The following RBFOX1 variants were observed in gnomAD, a reference collection of about 807,000 sequenced individuals.
The protein encoded by RBFOX1 is RNA binding protein fox-1 homolog 1.
In RBFOX1, 8 loss-of-function variants were observed where a neutral mutation model predicts 57.7. The observed-to-expected ratio is 0.14, with a 90% CI of 0.08 to 0.25. RBFOX1 has a LOEUF of 0.25. RBFOX1 is among the 10% of genes least tolerant of loss of function. The pLI is 1.00. For missense variants in RBFOX1, 611 were observed against 548.5 expected (o/e 1.11, Z -1.14); for synonymous variants, 326 against 222.4 (o/e 1.47, Z -4.15).
chr16:6,764,139 A>T (rs2077003698), intron 3 of RBFOX1, among the ~76,000 whole-genome samples: 1 of 152,196 alleles, frequency 6.6e-6, no homozygotes, highest in Non-Finnish European at 1.5e-5. Flanking sequence ...GGAGAGGGAA[A>T]GATGGGCATT....
rs945022223 is a variant in RBFOX1, at chr16:7,101,505, G to A, written c.27+49407G>A. ...AGAAACTGAGATTCAGAAAGAGACC[G>A]GCTGTACCAAAGTGTATCCAACCAA... On this transcript the variant is annotated intron_variant, in intron 4 of 15. Transcript: ENST00000550418. 2.6e-5 allele frequency among the ~76,000 whole-genome samples: 4 copies of A among 152,062 alleles called. No homozygotes were observed. The East Asian group carries it at 5.8e-4, about 22-fold the overall frequency.
intron 2 of RBFOX1, among the ~76,000 whole-genome samples, chr16:6,522,617 A>C (rs763254390): frequency 6.6e-5 from 10 of 152,192 alleles, no homozygotes; most frequent in African/African-American, 1.2e-4. Context: ...CCTGTTCAGA[A>C]ACCATAACTT....
chr16:7,225,905 A>AATAAATAAATATATATATAT (rs66510060), intron 4 of RBFOX1, among the ~76,000 whole-genome samples: 2,153 of 93,662 alleles, frequency 0.023, 125 homozygotes, highest in African/African-American at 0.097. Context: ...AAGTATAATA[A>AATAAATAAATATATATATAT]ATATATATAT....
chr16:6,460,569 T>C (rs1199898012), intron 2 of RBFOX1, among the ~76,000 whole-genome samples: 2 of 152,018 alleles, frequency 1.3e-5, no homozygotes, highest in Admixed American at 6.6e-5. Flanking sequence ...CCAGTCAGAA[T>C]GGCGATTATT....
chr16:5,928,851 C>T (rs1043374310), intron 4 of RBFOX1, among the ~76,000 whole-genome samples: 3 of 151,892 alleles, frequency 2.0e-5, no homozygotes, highest in African/African-American at 7.3e-5. Flanking sequence ...TCCTACTTTT[C>T]AATTACAAAA....
chr16:5,562,230 G>T (rs971794101), intron 2 of RBFOX1, among the ~76,000 whole-genome samples: 1 of 152,158 alleles, frequency 6.6e-6, no homozygotes, highest in Non-Finnish European at 1.5e-5. Flanking sequence ...CACCATCCGT[G>T]GCAAAGTGTG....
At chr16:5,868,190 G>T (rs570922711) in intron 4 of RBFOX1, among the ~76,000 whole-genome samples, 2 of 152,322 alleles carry the variant, frequency 1.3e-5, no homozygotes, top group Admixed American at 6.5e-5. Flanking sequence ...GCACGATAGA[G>T]CCGGTCACTC....
At chr16:6,372,831 G>A (rs112835117) in intron 2 of RBFOX1, among the ~76,000 whole-genome samples, 8 of 142,088 alleles carry the variant, frequency 5.6e-5, no homozygotes, top group African/African-American at 1.8e-4. Context: ...ATGGGAGGAT[G>A]GTTGGTTAGG....
intron 12 of RBFOX1, among the ~76,000 whole-genome samples, chr16:7,657,451 C>G (rs2066591636): frequency 6.6e-6 from 1 of 152,132 alleles, no homozygotes; most frequent in African/African-American, 2.4e-5. Context: ...ATTACAGGTG[C>G]CCGCCACCAC....
At chr16:6,859,583 T>C (rs1226833790) in intron 3 of RBFOX1, among the ~76,000 whole-genome samples, 1 of 152,070 alleles carries the variant, frequency 6.6e-6, no homozygotes, top group African/African-American at 2.4e-5. Flanking sequence ...AGCCACACTT[T>C]GTAGAAAATG....
At chr16:7,076,132 C>T (rs1464596009) in intron 4 of RBFOX1, among the ~76,000 whole-genome samples, 1 of 151,514 alleles carries the variant, frequency 6.6e-6, no homozygotes. Context: ...ACCTCTGCCT[C>T]CCGGGTTCAA....
At chr16:6,390,666 A>G (rs2152931991) in intron 2 of RBFOX1, among the ~76,000 whole-genome samples, 1 of 152,326 alleles carries the variant, frequency 6.6e-6, no homozygotes, top group African/African-American at 2.4e-5. Flanking sequence ...TGAGTCTCTA[A>G]GCTTAGGTTA....
intron 3 of RBFOX1, among the ~76,000 whole-genome samples, chr16:6,905,746 C>T (rs192330634): frequency 1.2e-3 from 184 of 152,268 alleles, no homozygotes; most frequent in Non-Finnish European, 1.8e-3. Context: ...GGCAAGTTTG[C>T]ATGCCATGGA....
intron 3 of RBFOX1, among the ~76,000 whole-genome samples, chr16:5,805,872 T>C (rs1180138295): frequency 1.3e-5 from 2 of 152,158 alleles, no homozygotes; most frequent in Non-Finnish European, 1.5e-5. Context: ...AGGGGATCCA[T>C]CAATATGGTT....
Position 7,668,648 on chromosome 16 carries a change from G to C in RBFOX1, c.930+3680G>C, listed in dbSNP as rs188749014. On this transcript the variant is annotated intron_variant, in intron 13 of 15. Transcript: ENST00000550418. ...ATCTTTATCTGAGTCCCTTCTACCT[G>C]AGAACAGAACAGAACACACACACAC... Among the ~76,000 whole-genome samples, 3 of 144,782 alleles carry C rather than the reference G, an allele frequency of 2.1e-5. 1 individual carries two copies. The highest frequency in any genetic ancestry group is 7.5e-5 in the African/African-American group (3 of 40,092). The allele number at this position is 144,782 out of a possible 152,430, so 95.0% of individuals were successfully genotyped here. A position where few individuals can be genotyped will look rare whatever the true frequency, so the allele number is the denominator to read the frequency against.
chr16:7,058,528 C>T (rs376089482), intron 4 of RBFOX1, among the ~76,000 whole-genome samples: 2 of 152,238 alleles, frequency 1.3e-5, no homozygotes, highest in Admixed American at 1.3e-4. Flanking sequence ...TGTCAAATTC[C>T]TCACCTGTAT....
chr16:5,849,015 C>T (rs947433637), intron 3 of RBFOX1, among the ~76,000 whole-genome samples: 30 of 151,616 alleles, frequency 2.0e-4, no homozygotes, highest in African/African-American at 7.3e-4. Context: ...GAGGGCAGGA[C>T]AGGAGCTCCA....
chr16:6,703,398 A>C (rs2062165232), intron 3 of RBFOX1, among the ~76,000 whole-genome samples: 1 of 151,892 alleles, frequency 6.6e-6, no homozygotes, highest in South Asian at 2.1e-4. Context: ...ACATAGTGAG[A>C]CCCCATCTCT....
intron 2 of RBFOX1, among the ~76,000 whole-genome samples, chr16:6,354,236 C>G (rs1053886695): frequency 1.3e-5 from 2 of 152,030 alleles, no homozygotes; most frequent in African/African-American, 4.8e-5. Flanking sequence ...CAGACACACA[C>G]ACACACACAC....
Sources: allele counts gnomAD v4.1 joint callset (sites outside exome capture counted in the v4.1 genomes callset), GRCh38; gene constraint gnomAD v4.1.1; transcripts MANE v1.5; gene names NCBI Gene and HGNC (gene_info 2026-07-23, HGNC 2026-07-21).